Variants in ZFYVE16 observed in about 807,000 individuals in gnomAD.
ZFYVE16 encodes zinc finger FYVE domain-containing protein 16.
Under a neutral mutation model 138.1 loss-of-function variants are expected in ZFYVE16, and 89 were observed. The observed-to-expected ratio is 0.64, with a 90% CI of 0.54 to 0.77. ZFYVE16 has a LOEUF of 0.77. Ranked by LOEUF, ZFYVE16 falls within the 30% of genes least tolerant of loss-of-function variation. The pLI, the probability that ZFYVE16 is intolerant of heterozygous loss-of-function variation, is 0.00. For missense variants in ZFYVE16, 1,793 were observed against 1,786.7 expected, an observed-to-expected ratio of 1.00 and a Z score of -0.06; for synonymous variants, 596 against 618.3, an observed-to-expected ratio of 0.96 and a Z score of 0.53.
At chr5:80,454,521 T>C (rs1209712602) in intron 11 of ZFYVE16, 1 of 152,312 alleles carries the variant, frequency 6.6e-6, no homozygotes, top group African/African-American at 2.4e-5. Context: ...TTTTTTTTTT[T>C]TTTGAGACGG....
chr5:80,428,904 GA>G (rs1748556217), intron 2 of ZFYVE16, among the ~76,000 whole-genome samples: 1 of 152,146 alleles, frequency 6.6e-6, no homozygotes, highest in African/African-American at 2.4e-5. Flanking sequence ...GAAGTTTAGA[GA>G]AAAAAGAATA....
chr5:80,448,331 T>A lies in ZFYVE16; in HGVS notation c.3030T>A (p.Asn1010Lys). Residue 1010 changes from asparagine to lysine, a missense_variant, in exon 8 of 19, where the codon AAT becomes AAA. Physicochemically the swap from Asn to Lys is moderately conservative, Grantham distance 94. Transcript: ENST00000505560. ...GTGATATTAACAAGTATGTCTGCAA[T>A]AAGATTAGTCTTCTACCTAATGATG... Reference protein sequence around the residue: ...LLCDINKYVCNKISLLPNDED... With the variant: ...LLCDINKYVCKKISLLPNDED... The A allele has an allele frequency of 1.2e-6, 2 of 1,610,050 alleles. No individual in the cohort carries two copies. The highest frequency in any genetic ancestry group is 1.7e-6 in the Non-Finnish European group (2 of 1,179,306).
intron 10 of ZFYVE16, among the ~76,000 whole-genome samples, chr5:80,451,182 T>A (rs1039680410): frequency 2.6e-5 from 4 of 152,188 alleles, no homozygotes; most frequent in Non-Finnish European, 5.9e-5. Flanking sequence ...GATTTGATAA[T>A]TTTTCACTTG....
rs749647200 is a variant in ZFYVE16 at position 80,448,090 on chromosome 5, A to C, written c.2789A>C (p.Asp930Ala). 2 of 1,613,824 alleles carry C rather than the reference A, an allele frequency of 1.2e-6. No individual in the cohort carries two copies. The highest frequency in any genetic ancestry group is 2.2e-5 in the South Asian group (2 of 91,054). The change falls in exon 8 of 19, where the codon GAT becomes GCT. Residue 930 changes from aspartate to alanine, a missense_variant. Asp to Ala is a moderately radical substitution (Grantham distance 126). Around this residue, in one of 2 missense-constraint regions of ZFYVE16, gnomAD observed 1,295 missense variants for 1,204.3 expected, o/e 1.08. Transcript: ENST00000505560. ...TVEKPNNETG[D>A]ITRNEIIQSP... ...GAAAAGCCAAACAATGAGACAGGAG[A>C]TATTACAAGAAATGAGATAATTCAG...
chr5:80,413,501 AAAAC>A (rs1412563505), intron 1 of ZFYVE16, among the ~76,000 whole-genome samples: 7 of 151,592 alleles, frequency 4.6e-5, no homozygotes, highest in Non-Finnish European at 8.8e-5. Context: ...AAAAAAGAGA[AAAAC>A]AACAATCTTC....
intron 15 of ZFYVE16, among the ~76,000 whole-genome samples, chr5:80,468,093 A>G (rs937226731): frequency 6.6e-6 from 1 of 152,180 alleles, no homozygotes; most frequent in African/African-American, 2.4e-5. Flanking sequence ...TGCCATGGCC[A>G]GTGTAAGTCC....
At chr5:80,455,646 G>T in intron 11 of ZFYVE16, 46 bp from the exon 12 acceptor site, 1 of 1,418,620 alleles carries the variant, frequency 7.0e-7, no homozygotes, top group South Asian at 1.2e-5. Context: ...CAATAATTTG[G>T]GGTTTTTTTT....
At chr5:80,450,804 C>T (rs1330226944) in intron 10 of ZFYVE16, among the ~76,000 whole-genome samples, 2 of 146,556 alleles carry the variant, frequency 1.4e-5, no homozygotes, top group African/African-American at 5.0e-5. Context: ...GGAAATATAT[C>T]CTTATATCCA....
At position 80,437,779 on chromosome 5, in the gene ZFYVE16, A is replaced by C. The variant is rs762249307; in HGVS notation, c.1094A>C (p.His365Pro). 8 of 1,614,094 alleles carry C rather than the reference A, an allele frequency of 5.0e-6. No homozygotes were observed. The Admixed American group carries it at 1.3e-4, about 27-fold the overall frequency. ...DVIQDSSSAL[H>P]VSSKDVPSSL... ...ATCCAAGATTCCTCTTCAGCTTTAC[A>C]TGTTTCCAGTAAAGATGTGCCGTCC... Residue 365 changes from histidine (H) to proline (P), a missense_variant, in exon 4 of 19, where the codon CAT (histidine) becomes CCT (proline). By Grantham distance (77) the His-to-Pro change is moderately conservative. This residue lies in a region of ZFYVE16 where 1,295 missense variants were observed against 1,204.3 expected (regional missense o/e 1.08). Coordinates refer to ENST00000505560, the MANE Select transcript of ZFYVE16 (RefSeq NM_001284236.3).
chr5:80,474,954 A>T, intron 18 of ZFYVE16, 124 bp downstream of exon 18: 4 of 1,014,344 alleles, frequency 3.9e-6, no homozygotes, highest in Non-Finnish European at 5.6e-6. Context: ...TGTGTGCTAC[A>T]CACTTCACAT....
intron 1 of ZFYVE16, among the ~76,000 whole-genome samples, chr5:80,424,519 T>A (rs1215245779): frequency 2.6e-5 from 4 of 151,302 alleles, no homozygotes; most frequent in African/African-American, 4.9e-5. Flanking sequence ...TGGAGTGCAG[T>A]GGTGTGATCT....
rs1750247647 is a variant in ZFYVE16, at chr5:80,438,420, T to C, written c.1735T>C (p.Phe579Leu). 6.2e-7 allele frequency: 1 copy of C among 1,613,770 alleles called. No homozygotes were observed. The highest frequency in any genetic ancestry group is 8.5e-7 in the Non-Finnish European group (1 of 1,179,886). ...LDDGNINNIYFNAEAGAIGES... is the reference protein window; with the variant it reads ...LDDGNINNIYLNAEAGAIGES... Reference sequence around the variant, plus strand: ...TGATGGAAACATCAATAATATATATTTCAATGCAGAAGCAGGAGCTATTGG... The same window carrying C: ...TGATGGAAACATCAATAATATATATCTCAATGCAGAAGCAGGAGCTATTGG... Residue 579 changes from phenylalanine (F) to leucine (L), a missense_variant, in exon 4 of 19, where the codon TTC becomes CTC. By Grantham distance (22) the Phe-to-Leu change is conservative. Coordinates refer to ENST00000505560, the MANE Select transcript of ZFYVE16 (RefSeq NM_001284236.3).
Position 80,454,391 on chromosome 5 carries a change from CTT to C in ZFYVE16, c.3608-1298_3608-1297del, listed in dbSNP as rs1243702248. The C allele has an allele frequency of 2.6e-5, 4 of 152,168 alleles. No individual in the cohort carries two copies. The East Asian group carries it at 7.7e-4, about 29-fold the overall frequency. The allele number at this position is 152,168 out of a possible 1,614,324, so 9.4% of individuals were successfully genotyped here. ...GCCTGCTGCGTTACCAGTAAGGTCT[CTT>C]TTCCTTTTTGGTGTCCAGAATTTAT... is the stretch of plus-strand genomic sequence containing the variant. On this transcript the variant is annotated intron_variant, in intron 11 of 18. Transcript: ENST00000505560.
chr5:80,463,177 C>T (rs1753317006), intron 15 of ZFYVE16, among the ~76,000 whole-genome samples: 1 of 152,236 alleles, frequency 6.6e-6, no homozygotes, highest in African/African-American at 2.4e-5. Flanking sequence ...CATTTCCCTT[C>T]TGCACTGCCC....
intron 5 of ZFYVE16, among the ~76,000 whole-genome samples, chr5:80,442,863 ACT>A (rs1750871538): frequency 6.6e-6 from 1 of 152,182 alleles, no homozygotes; most frequent in Non-Finnish European, 1.5e-5. Flanking sequence ...AATAAGGGTT[ACT>A]CTCTGTAGAT....
rs777231493 is a variant in ZFYVE16, at chr5:80,457,034, A to G, written c.3885A>G (p.Ile1295Met). 1.9e-6 allele frequency: 3 copies of G among 1,613,338 alleles called. No individual in the cohort carries two copies. In the East Asian group the frequency reaches 6.7e-5, roughly 36 times the overall value. Residue 1295 changes from isoleucine to methionine, a missense_variant, in exon 14 of 19, where the codon ATA (isoleucine) becomes ATG (methionine). Physicochemically the swap from Ile to Met is conservative, Grantham distance 10. This residue lies in a region of ZFYVE16 where 498 missense variants were observed against 582.4 expected (regional missense o/e 0.86). Coordinates refer to ENST00000505560, the MANE Select transcript of ZFYVE16 (RefSeq NM_001284236.3). ...STEADSHLVC[I>M]QNDGIYETQA... Reference sequence around the variant, plus strand: ...AAGCAGATTCTCATCTAGTCTGTATACAGAATGATGGAATTTATGAAACAC... The same window carrying G: ...AAGCAGATTCTCATCTAGTCTGTATGCAGAATGATGGAATTTATGAAACAC...
Position 80,445,380 on chromosome 5 carries a change from G to C in ZFYVE16, c.2699G>C (p.Ser900Thr), listed in dbSNP as rs1217492126. The C allele has an allele frequency of 3.7e-6, 6 of 1,613,676 alleles. No individual in the cohort carries two copies. The East Asian group carries it at 1.3e-4, about 36-fold the overall frequency. The change falls in exon 7 of 19, where the codon AGT becomes ACT. Residue 900 changes from serine (S) to threonine (T), a missense_variant. Transcript: ENST00000505560. ...SGSKRCSEDF[S>T]PLSPDVPMTV... ...AGTAAAAGATGTTCTGAAGACTTTAGTCCTCTCTCACCTGATGTGCCTATG... is the reference window on the plus strand; with the variant it reads ...AGTAAAAGATGTTCTGAAGACTTTACTCCTCTCTCACCTGATGTGCCTATG...
chr5:80,472,032 C>T (rs1046078792), intron 15 of ZFYVE16, among the ~76,000 whole-genome samples: 7 of 152,172 alleles, frequency 4.6e-5, no homozygotes, highest in Non-Finnish European at 7.4e-5. Flanking sequence ...AATTCCCCAA[C>T]ATTATTTGAC....
intron 5 of ZFYVE16, chr5:80,440,778 A>T: frequency 1.0e-6 from 1 of 983,610 alleles, no homozygotes; most frequent in Non-Finnish European, 1.2e-6. Context: ...TTGACAGTTT[A>T]ATTCCTAGCA....
Sources: gnomAD v4.1 joint callset for allele counts (sites outside exome capture counted in the v4.1 genomes callset) on GRCh38, gnomAD v4.1.1 for gene constraint, gnomAD v4.1.1 regional missense constraint, MANE v1.5 for transcripts, NCBI Gene and HGNC (gene_info 2026-07-23, HGNC 2026-07-21) for gene names.